Variants in CC2D2A observed in about 807,000 individuals in gnomAD.
The protein encoded by CC2D2A is coiled-coil and C2 domain-containing protein 2A.
CC2D2A carries 155 observed loss-of-function variants against 212.9 expected under a neutral mutation model. The observed-to-expected ratio is 0.73, with a 90% CI of 0.64 to 0.83. CC2D2A has a LOEUF of 0.83. Among genes scored for constraint, CC2D2A ranks in the 40% least tolerant of loss-of-function variants. The pLI is 0.00. For missense variants in CC2D2A, 1,856 were observed against 1,956.2 expected (o/e 0.95, Z 0.97); for synonymous variants, 667 against 686.5 (o/e 0.97, Z 0.44).
rs375052130 is a variant in CC2D2A at position 15,554,075 on chromosome 4, C to T, written c.2486+770C>T. On this transcript the variant is annotated intron_variant, in intron 19 of 36. Transcript: ENST00000424120. Reference sequence around the variant, plus strand: ...GCCTTCAATCCCCATAACGACCACACATGTCCATGTGATAAAAACCACAAG... The same window carrying T: ...GCCTTCAATCCCCATAACGACCACATATGTCCATGTGATAAAAACCACAAG... Among the ~76,000 whole-genome samples, 4 of 152,232 alleles carry T rather than the reference C, an allele frequency of 2.6e-5. No individual in the cohort carries two copies. In the East Asian group the frequency reaches 5.8e-4, roughly 22 times the overall value.
chr4:15,591,583 C>A (rs2148490446), intron 33 of CC2D2A, among the ~76,000 whole-genome samples: 1 of 152,264 alleles, frequency 6.6e-6, no homozygotes, highest in East Asian at 1.9e-4. Context: ...AAGCACGCAG[C>A]AAAATATCTG....
intron 17 of CC2D2A, among the ~76,000 whole-genome samples, chr4:15,545,231 C>T (rs1425806886): frequency 6.6e-6 from 1 of 152,210 alleles, no homozygotes; most frequent in Non-Finnish European, 1.5e-5. Flanking sequence ...ACCTAAAATA[C>T]ATCTGTTAAT....
chr4:15,475,324 T>A (rs923802332), intron 1 of CC2D2A, among the ~76,000 whole-genome samples: 2 of 151,604 alleles, frequency 1.3e-5, no homozygotes, highest in Non-Finnish European at 2.9e-5. Flanking sequence ...AAGGAAAAAA[T>A]TACAGCATTT....
At chr4:15,572,371 G>A (rs960635220) in intron 28 of CC2D2A, among the ~76,000 whole-genome samples, 3 of 152,158 alleles carry the variant, frequency 2.0e-5, no homozygotes, top group Non-Finnish European at 4.4e-5. Context: ...GGTAAAAGCA[G>A]AGAAAACTAT....
chr4:15,523,180 G>GTCCT (rs144700300), intron 11 of CC2D2A, among the ~76,000 whole-genome samples: 7,838 of 149,260 alleles, frequency 0.053, 592 homozygotes, highest in East Asian at 0.26. Flanking sequence ...TCTTTCCTTT[G>GTCCT]TCCTTCCTTC....
chr4:15,471,038 G>A (rs1267737311), intron 1 of CC2D2A, among the ~76,000 whole-genome samples: 4 of 152,108 alleles, frequency 2.6e-5, no homozygotes, highest in African/African-American at 4.8e-5. Flanking sequence ...TGGTACTCAT[G>A]TGTACTCTTC....
At chr4:15,484,744 A>G (rs1349208119) in intron 4 of CC2D2A, among the ~76,000 whole-genome samples, 1 of 152,198 alleles carries the variant, frequency 6.6e-6, no homozygotes, top group Admixed American at 6.5e-5. Context: ...TCAGAGAAGG[A>G]AAAGATGGCA....
chr4:15,600,528 C>T (rs1721541284), intron 36 of CC2D2A, among the ~76,000 whole-genome samples: 1 of 152,190 alleles, frequency 6.6e-6, no homozygotes, highest in African/African-American at 2.4e-5. Flanking sequence ...GCCATTATTC[C>T]TAACAAGTTT....
At chr4:15,527,172 A>T (rs1437707830) in intron 11 of CC2D2A, among the ~76,000 whole-genome samples, 1 of 152,220 alleles carries the variant, frequency 6.6e-6, no homozygotes, top group Non-Finnish European at 1.5e-5. Flanking sequence ...AAAAGATTAG[A>T]ACTACAACTT....
chr4:15,598,264 T>C (rs1721407762), intron 35 of CC2D2A, among the ~76,000 whole-genome samples: 1 of 152,156 alleles, frequency 6.6e-6, no homozygotes, highest in Non-Finnish European at 1.5e-5. Context: ...CATCTTGAAA[T>C]CCAAAACAAA....
At chr4:15,563,788 T>C (rs1329534182) in intron 24 of CC2D2A, 2 of 395,178 alleles carry the variant, frequency 5.1e-6, no homozygotes, top group Non-Finnish European at 9.2e-6. Context: ...AGGGATAAGA[T>C]AGTTCTCCTG....
intron 16 of CC2D2A, among the ~76,000 whole-genome samples, chr4:15,539,537 GTTCTAATGATTGATTTA>G (rs1443393511): frequency 3.7e-4 from 56 of 152,292 alleles, no homozygotes; most frequent in African/African-American, 1.2e-3. Flanking sequence ...TTCTGCTAAT[GTTCTAATGATTGATTTA>G]TTCTAATGAT....
intron 31 of CC2D2A, 23 bp from the exon 32 acceptor site, chr4:15,587,793 T>G (rs369353867): frequency 1.5e-6 from 2 of 1,294,928 alleles, no homozygotes; most frequent in Middle Eastern, 1.8e-4. Context: ...TCATACAACA[T>G]AATTTTTTTT....
At chr4:15,600,719 T>A (rs750321794) in intron 36 of CC2D2A, among the ~76,000 whole-genome samples, 4 of 151,940 alleles carry the variant, frequency 2.6e-5, no homozygotes, top group Non-Finnish European at 5.9e-5. Context: ...CTTGGCAGCA[T>A]GGCAAAACTC....
In CC2D2A at chr4:15,567,658, AT is replaced by A; in HGVS notation, c.3289-16del. 1.3e-6 allele frequency: 2 copies of A among 1,556,794 alleles called. No homozygotes were observed. The highest frequency in any genetic ancestry group is 1.7e-6 in the Non-Finnish European group (2 of 1,147,144). ...TTTGACTAACCATTGGGAACTCAGA[AT>A]TTGCTCTTGATTTTAAGGTTTTAGT... is the stretch of plus-strand genomic sequence containing the variant. On this transcript the variant is annotated intron_variant, in intron 25 of 36. Coordinates refer to ENST00000424120, the MANE Select transcript of CC2D2A (RefSeq NM_001378615.1).
intron 13 of CC2D2A, among the ~76,000 whole-genome samples, chr4:15,531,858 T>C (rs2109028436): frequency 6.6e-6 from 1 of 152,318 alleles, no homozygotes; most frequent in Admixed American, 6.5e-5. Context: ...TATTGTGGTT[T>C]TTAAAACTGA....
At chr4:15,573,153 C>T (rs1720243642) in intron 28 of CC2D2A, among the ~76,000 whole-genome samples, 1 of 151,878 alleles carries the variant, frequency 6.6e-6, no homozygotes, top group African/African-American at 2.4e-5. Flanking sequence ...ACTTAACCAC[C>T]ATAGTGCCCA....
chr4:15,479,049 T>C (rs16892028), intron 3 of CC2D2A, among the ~76,000 whole-genome samples: 7,126 of 152,204 alleles, frequency 0.047, 358 homozygotes, highest in East Asian at 0.32. Flanking sequence ...ATTTTTACTC[T>C]AAGTTTTCTC....
intron 11 of CC2D2A, among the ~76,000 whole-genome samples, chr4:15,524,730 C>T (rs376361216): frequency 3.9e-5 from 6 of 152,264 alleles, no homozygotes; most frequent in East Asian, 1.9e-4. Context: ...GGATTACAGG[C>T]GTGAGCCACC....
Sources: allele counts gnomAD v4.1 joint callset (sites outside exome capture counted in the v4.1 genomes callset), GRCh38; gene constraint gnomAD v4.1.1; transcripts MANE v1.5; gene names NCBI Gene and HGNC (gene_info 2026-07-23, HGNC 2026-07-21).